The following GALK2 variants were observed in gnomAD, a reference collection of about 807,000 sequenced individuals.
GALK2 encodes the protein N-acetylgalactosamine kinase.
Under a neutral mutation model 52.4 loss-of-function variants are expected in GALK2, and 36 were observed. That is an observed-to-expected ratio of 0.69 (90% CI 0.53 to 0.91). GALK2 has a LOEUF of 0.91. Among genes scored for constraint, GALK2 ranks in the 40% least tolerant of loss-of-function variants. The pLI is 0.00. For synonymous variants in GALK2, 176 were observed against 199.1 expected (o/e 0.88, Z 0.98); for missense variants, 579 against 559.1 (o/e 1.04, Z -0.36).
intron 8 of GALK2, among the ~76,000 whole-genome samples, chr15:49,312,745 G>A (rs947171914): frequency 1.3e-5 from 2 of 152,208 alleles, no homozygotes; most frequent in African/African-American, 2.4e-5. Flanking sequence ...AAAAGGCACA[G>A]TGCATGAGAG....
At position 49,328,692 on chromosome 15, in the gene GALK2, T is replaced by C; in HGVS notation, c.*533T>C. On this transcript the variant is annotated 3_prime_UTR_variant, in exon 10 of 10. Transcript: ENST00000560031. ...TTCGGAACGCTATGAAAATAATACA[T>C]GATTAAAGTTTCACAGATCTTCTTG... The C allele has an allele frequency of 5.8e-6, 9 of 1,550,036 alleles. No homozygotes were observed. The highest frequency in any genetic ancestry group is 7.9e-6 in the Non-Finnish European group (9 of 1,145,742).
Position 49,222,120 on chromosome 15 carries a change from C to T in GALK2, c.266+4807C>T, listed in dbSNP as rs912973018. ...AGTTTTCCTTAGAGATCTTTCATCT[C>T]CTTGGTTAAATTTATTCTTAGGTAT... is the stretch of plus-strand genomic sequence containing the variant. On this transcript the variant is annotated intron_variant, in intron 3 of 9. Coordinates refer to ENST00000560031, the MANE Select transcript of GALK2 (RefSeq NM_002044.4). 2.6e-5 allele frequency among the ~76,000 whole-genome samples: 4 copies of T among 151,990 alleles called. No individual in the cohort carries two copies. The East Asian group carries it at 7.7e-4, about 29-fold the overall frequency.
At chr15:49,176,458 T>C (rs1403046399) in intron 1 of GALK2, among the ~76,000 whole-genome samples, 1 of 152,238 alleles carries the variant, frequency 6.6e-6, no homozygotes, top group Admixed American at 6.5e-5. Context: ...TGTATTAAGT[T>C]TGCCTCACTT....
intron 8 of GALK2, among the ~76,000 whole-genome samples, chr15:49,315,550 A>C (rs2036333614): frequency 6.6e-6 from 1 of 152,250 alleles, no homozygotes; most frequent in Admixed American, 6.5e-5. Context: ...CAGCCAACAC[A>C]GAACTGCTTT....
intron 3 of GALK2, among the ~76,000 whole-genome samples, chr15:49,354,532 T>A (rs1243342627): frequency 7.9e-5 from 12 of 152,202 alleles, no homozygotes; most frequent in Admixed American, 7.9e-4. Flanking sequence ...TACTGCACTT[T>A]TCCGACCGGC....
At chr15:49,261,093 A>G (rs982238931) in intron 5 of GALK2, among the ~76,000 whole-genome samples, 19 of 150,660 alleles carry the variant, frequency 1.3e-4, no homozygotes, top group Admixed American at 1.3e-3. Flanking sequence ...GTTTTTTCCA[A>G]TTCTGTGAAG....
chr15:49,273,697 T>A (rs1364180958), intron 5 of GALK2, among the ~76,000 whole-genome samples: 2 of 152,172 alleles, frequency 1.3e-5, no homozygotes, highest in African/African-American at 4.8e-5. Context: ...CTGTCCTGGA[T>A]GGGCTCTACC....
rs2038538699 is a variant in GALK2, at chr15:49,330,744, A to AG, written c.*2585_*2586insG. ...CTATCAATAGTAGGGAAGATAGACCAAAAAAAAAAAAAAAGAGAGAAAGAA... is the reference window on the plus strand; with the variant it reads ...CTATCAATAGTAGGGAAGATAGACCAGAAAAAAAAAAAAAAGAGAGAAAGAA... On this transcript the variant is annotated 3_prime_UTR_variant, in exon 10 of 10. Transcript: ENST00000560031. 1 of 129,768 alleles carries AG rather than the reference A, an allele frequency of 7.7e-6. No individual in the cohort carries two copies. Among genetic ancestry groups the AG allele is most frequent in the East Asian group, 2.4e-4 (1 of 4,242 alleles). The allele number at this position is 129,768 out of a possible 1,614,324, so 8.0% of individuals were successfully genotyped here.
intron 3 of GALK2, among the ~76,000 whole-genome samples, chr15:49,227,567 G>T (rs2090203920): frequency 6.6e-6 from 1 of 151,462 alleles, no homozygotes; most frequent in African/African-American, 2.4e-5. Flanking sequence ...TTATTATAGG[G>T]TCATGTTTTT....
intron 3 of GALK2, among the ~76,000 whole-genome samples, chr15:49,230,682 A>G (rs1255952049): frequency 6.6e-6 from 1 of 152,146 alleles, no homozygotes; most frequent in Non-Finnish European, 1.5e-5. Context: ...GGTGTCTTAT[A>G]ATGGTCTACC....
chr15:49,354,890 T>A lies in GALK2; in HGVS notation c.427-12601T>A, dbSNP rs1188090214. Among the ~76,000 whole-genome samples, 3 of 152,008 alleles carry A rather than the reference T, an allele frequency of 2.0e-5. No homozygotes were observed. The East Asian group carries it at 5.8e-4, about 29-fold the overall frequency. On this transcript the variant is annotated intron_variant, in intron 3 of 3. Transcript: ENST00000558399. ...GGTTCTCCCAGCATGCAGCTGGAGA[T>A]CTGAGAACGGGCAGACTGCCTCCTC...
chr15:49,295,998 T>C (rs2034445528), intron 8 of GALK2, among the ~76,000 whole-genome samples: 1 of 152,190 alleles, frequency 6.6e-6, no homozygotes, highest in Non-Finnish European at 1.5e-5. Flanking sequence ...TGTATTGCTC[T>C]CTCTCTGCCT....
chr15:49,292,299 T>C (rs761422983), intron 7 of GALK2, 28 bp from the exon 8 acceptor site: 1 of 1,587,310 alleles, frequency 6.3e-7, no homozygotes, highest in Admixed American at 1.7e-5. Context: ...GAATCAAAAC[T>C]GACCATTATC....
intron 1 of GALK2, among the ~76,000 whole-genome samples, chr15:49,176,093 G>T (rs1458640167): frequency 6.6e-6 from 1 of 152,232 alleles, no homozygotes; most frequent in Non-Finnish European, 1.5e-5. Context: ...GCTACAATGT[G>T]AGATATGCAA....
intron 5 of GALK2, among the ~76,000 whole-genome samples, chr15:49,250,582 C>T (rs1234310050): frequency 1.3e-5 from 2 of 152,076 alleles, no homozygotes; most frequent in African/African-American, 4.8e-5. Context: ...TGGATTCCAG[C>T]TCACATATTT....
chr15:49,312,814 A>G (rs2036103643), intron 8 of GALK2, among the ~76,000 whole-genome samples: 1 of 152,224 alleles, frequency 6.6e-6, no homozygotes, highest in Admixed American at 6.5e-5. Flanking sequence ...GAACAGAACC[A>G]AGACCAAAGA....
intron 5 of GALK2, among the ~76,000 whole-genome samples, chr15:49,261,142 A>G (rs1307366738): frequency 3.3e-5 from 5 of 149,814 alleles, no homozygotes; most frequent in East Asian, 1.9e-4. Context: ...CATTGAATCT[A>G]TAAATTACCT....
Position 49,239,339 on chromosome 15 carries a change from TCA to T in GALK2, c.479_480del (p.Thr160SerfsTer19). The stretch of plus-strand genomic sequence containing the variant: ...GTCTGTTGTGCTGGCTTGGTGACGC[TCA>T]CAGTGCTGGGAAGGAATCTATCCAA... On this transcript the variant is annotated frameshift_variant, in exon 5 of 10. Transcript: ENST00000560031. LOFTEE classifies it high-confidence loss of function. The T allele has an allele frequency of 6.2e-7, 1 of 1,614,082 alleles. No homozygotes were observed. The highest frequency in any genetic ancestry group is 1.1e-5 in the South Asian group (1 of 91,076).
chr15:49,366,664 C>T, intron 3 of GALK2: 3 of 1,535,252 alleles, frequency 2.0e-6, no homozygotes, highest in Non-Finnish European at 2.7e-6. Flanking sequence ...TGGCAGGGGA[C>T]AGCCGCCGCT....
Sources: allele counts gnomAD v4.1 joint callset (sites outside exome capture counted in the v4.1 genomes callset), GRCh38; gene constraint gnomAD v4.1.1; transcripts MANE v1.5; gene names NCBI Gene and HGNC (gene_info 2026-07-23, HGNC 2026-07-21).